Variants in FBXW7 observed in about 807,000 individuals in gnomAD.
FBXW7 encodes the protein F-box and WD repeat domain containing 7.
Under a neutral mutation model 86.3 loss-of-function variants are expected in FBXW7, and 11 were observed. The ratio of observed to expected loss-of-function variants is 0.13; its 90% CI spans 0.08 to 0.21. The LOEUF is 0.21. Ranked by LOEUF, FBXW7 falls within the 10% of genes least tolerant of loss-of-function variation. The pLI, the probability that FBXW7 is intolerant of heterozygous loss-of-function variation, is 1.00. For missense variants in FBXW7, 488 were observed against 847.4 expected (o/e 0.58, Z 5.27); for synonymous variants, 313 against 297.9 (o/e 1.05, Z -0.52).
intron 2 of FBXW7, among the ~76,000 whole-genome samples, chr4:152,446,185 C>G (rs745892552): frequency 6.6e-5 from 10 of 152,218 alleles, no homozygotes; most frequent in Non-Finnish European, 1.3e-4. Context: ...ATTGGCAGCA[C>G]CAGATTTTAA....
chr4:152,473,583 C>A (rs1163559997), intron 2 of FBXW7, among the ~76,000 whole-genome samples: 1 of 152,114 alleles, frequency 6.6e-6, no homozygotes, highest in Admixed American at 6.5e-5. Context: ...CTCCTGGGCT[C>A]AAGCAATCCA....
intron 2 of FBXW7, among the ~76,000 whole-genome samples, chr4:152,495,311 C>T (rs1473746606): frequency 6.6e-6 from 1 of 151,966 alleles, no homozygotes; most frequent in Non-Finnish European, 1.5e-5. Context: ...TATGGTGGCA[C>T]ACACCTGTAG....
At chr4:152,358,266 T>A (rs1160202397) in intron 4 of FBXW7, among the ~76,000 whole-genome samples, 4 of 152,192 alleles carry the variant, frequency 2.6e-5, no homozygotes, top group Non-Finnish European at 5.9e-5. Context: ...GGAGAAAGAA[T>A]GAAATCAAAT....
intron 4 of FBXW7, among the ~76,000 whole-genome samples, chr4:152,406,324 G>C (rs951432574): frequency 6.6e-6 from 1 of 151,844 alleles, no homozygotes; most frequent in East Asian, 1.9e-4. Flanking sequence ...AGCTGGGCAC[G>C]GTGGTCCACG....
At chr4:152,357,840 T>C (rs192675858) in intron 4 of FBXW7, among the ~76,000 whole-genome samples, 27 of 152,226 alleles carry the variant, frequency 1.8e-4, no homozygotes, top group Admixed American at 1.6e-3. Flanking sequence ...TCATACCCAA[T>C]AGTGCAAGTT....
intron 2 of FBXW7, among the ~76,000 whole-genome samples, chr4:152,498,998 T>C (rs1303967766): frequency 6.6e-6 from 1 of 152,154 alleles, no homozygotes; most frequent in Non-Finnish European, 1.5e-5. Flanking sequence ...AGAATCTATT[T>C]GAGGTGGTTT....
chr4:152,495,519 T>C (rs1199831861), intron 2 of FBXW7, among the ~76,000 whole-genome samples: 1 of 152,140 alleles, frequency 6.6e-6, no homozygotes, highest in African/African-American at 2.4e-5. Flanking sequence ...GCCAGTAACA[T>C]GGAAAAAACA....
At chr4:152,411,172 A>G in intron 4 of FBXW7, 131 bp downstream of exon 4, 1 of 1,268,630 alleles carries the variant, frequency 7.9e-7, no homozygotes, top group East Asian at 2.6e-5. Flanking sequence ...TAAGACAAAA[A>G]ACTAGTTCAT....
chr4:152,404,648 A>C (rs943584284), intron 4 of FBXW7, among the ~76,000 whole-genome samples: 1 of 152,226 alleles, frequency 6.6e-6, no homozygotes, highest in African/African-American at 2.4e-5. Context: ...TCTGCATGTT[A>C]GCAAAATGAT....
intron 4 of FBXW7, among the ~76,000 whole-genome samples, chr4:152,353,622 A>G (rs1230216358): frequency 6.6e-6 from 1 of 152,176 alleles, no homozygotes; most frequent in Non-Finnish European, 1.5e-5. Context: ...TTGCTAATTT[A>G]ATCTGGAGTA....
intron 2 of FBXW7, among the ~76,000 whole-genome samples, chr4:152,489,816 C>A (rs546942702): frequency 1.5e-4 from 23 of 152,014 alleles, no homozygotes; most frequent in African/African-American, 5.6e-4. Context: ...CTCAATACCA[C>A]CCCCATGCCT....
At chr4:152,374,620 G>C (rs952015611) in intron 4 of FBXW7, among the ~76,000 whole-genome samples, 1 of 151,894 alleles carries the variant, frequency 6.6e-6, no homozygotes, top group Non-Finnish European at 1.5e-5. Context: ...AGCATAAAAA[G>C]GTATTAAAAA....
At chr4:152,534,269 G>C (rs1750266347) in intron 2 of FBXW7, among the ~76,000 whole-genome samples, 1 of 139,152 alleles carries the variant, frequency 7.2e-6, no homozygotes, top group African/African-American at 3.4e-5. Context: ...AAAAAAAAAG[G>C]GGGGGGTGAA....
chr4:152,469,986 T>G (rs1335615312), intron 2 of FBXW7, among the ~76,000 whole-genome samples: 1 of 152,008 alleles, frequency 6.6e-6, no homozygotes, highest in Non-Finnish European at 1.5e-5. Context: ...TGGTTGAGAT[T>G]CCCTATATAA....
chr4:152,460,040 T>C (rs1742798942), intron 2 of FBXW7, among the ~76,000 whole-genome samples: 1 of 152,244 alleles, frequency 6.6e-6, no homozygotes, highest in Admixed American at 6.5e-5. Context: ...TTTGGAATGA[T>C]AGAAAAGTTC....
At chr4:152,479,299 G>A (rs946597783) in intron 2 of FBXW7, among the ~76,000 whole-genome samples, 3 of 151,932 alleles carry the variant, frequency 2.0e-5, no homozygotes, top group Admixed American at 2.0e-4. Flanking sequence ...AAGACATCTA[G>A]TCAAAAAAAA....
At chr4:152,502,574 GAATAT>G (rs1430717552) in intron 2 of FBXW7, among the ~76,000 whole-genome samples, 2 of 151,472 alleles carry the variant, frequency 1.3e-5, no homozygotes, top group Non-Finnish European at 2.9e-5. Flanking sequence ...TTAATATTTT[GAATAT>G]AATTAATTTT....
Position 152,466,810 on chromosome 4 carries a change from C to T in FBXW7, c.-119-54281G>A, listed in dbSNP as rs563220616. Among the ~76,000 whole-genome samples the T allele has an allele frequency of 6.2e-4, 94 of 151,874 alleles. 1 individual carries two copies. The South Asian group carries it at 0.018, about 29-fold the overall frequency. On this transcript the variant is annotated intron_variant, in intron 2 of 13. Coordinates refer to ENST00000281708, the MANE Select transcript of FBXW7 (RefSeq NM_001349798.2). ...ACAAAAAATTAGCCAGGCGCGGTGG[C>T]GGGCACCTGTAGTCCCAGCTACTCG... is the stretch of plus-strand genomic sequence containing the variant.
chr4:152,499,432 G>T (rs763565853), intron 2 of FBXW7, among the ~76,000 whole-genome samples: 1 of 152,112 alleles, frequency 6.6e-6, no homozygotes, highest in Non-Finnish European at 1.5e-5. Flanking sequence ...GAGGCTATTT[G>T]AAATGAGAAA....
Sources: allele counts gnomAD v4.1 joint callset (sites outside exome capture counted in the v4.1 genomes callset), GRCh38; gene constraint gnomAD v4.1.1; transcripts MANE v1.5; gene names NCBI Gene and HGNC (gene_info 2026-07-23, HGNC 2026-07-21).